Variants in NPAS3 observed in about 807,000 individuals in gnomAD.
NPAS3 encodes the protein neuronal PAS domain-containing protein 3.
A neutral mutation model predicts 73.1 loss-of-function variants in NPAS3; 14 were observed. That is an observed-to-expected ratio of 0.19 (90% CI 0.13 to 0.30). The LOEUF is 0.30. Among genes scored for constraint, NPAS3 ranks in the 10% least tolerant of loss-of-function variants. The pLI is 1.00. For synonymous variants in NPAS3, 620 were observed against 541.5 expected, an observed-to-expected ratio of 1.14 and a Z score of -2.01; for missense variants, 1,096 against 1,250.0, an observed-to-expected ratio of 0.88 and a Z score of 1.86.
chr14:33,459,149 C>A (rs917068708), intron 4 of NPAS3, among the ~76,000 whole-genome samples: 3 of 152,056 alleles, frequency 2.0e-5, no homozygotes, highest in African/African-American at 7.2e-5. Context: ...TGAGGACGAC[C>A]AGAGGTCACT....
intron 9 of NPAS3, 145 bp downstream of exon 9, chr14:33,778,717 T>C: frequency 1.6e-6 from 1 of 621,818 alleles, no homozygotes; most frequent in Non-Finnish European, 2.9e-6. Flanking sequence ...AAGTGAGACA[T>C]AAATCATTTC....
chr14:33,670,335 G>C (rs1005653789), intron 5 of NPAS3, among the ~76,000 whole-genome samples: 4 of 151,988 alleles, frequency 2.6e-5, no homozygotes, highest in Non-Finnish European at 4.4e-5. Context: ...CTTTCTTCTT[G>C]TTCTACTAAT....
intron 1 of NPAS3, among the ~76,000 whole-genome samples, chr14:32,944,604 G>A (rs2036175064): frequency 6.6e-6 from 1 of 152,128 alleles, no homozygotes; most frequent in African/African-American, 2.4e-5. Context: ...AACTGTAACT[G>A]AATGGTATTT....
chr14:32,940,877 T>A lies in NPAS3; in HGVS notation c.50+1511T>A, dbSNP rs182852773. 1.4e-4 allele frequency among the ~76,000 whole-genome samples: 22 copies of A among 152,340 alleles called. 1 individual carries two copies. The East Asian group carries it at 4.2e-3, about 29-fold the overall frequency. On this transcript the variant is annotated intron_variant, in intron 1 of 11. Transcript: ENST00000356141. ...TTTGTTAAGTAGATACATAATTGAC[T>A]AATTCTGAACTCTAGATGATTCTGT...
chr14:33,735,380 A>T (rs368336896), intron 7 of NPAS3, 48 bp downstream of exon 7: 2 of 1,309,224 alleles, frequency 1.5e-6, no homozygotes, highest in Non-Finnish European at 2.2e-6. Flanking sequence ...GGCCAGTCCT[A>T]GGTAATTTGC....
chr14:33,543,538 A>T lies in NPAS3; in HGVS notation c.469-16583A>T, dbSNP rs575382102. Among the ~76,000 whole-genome samples, 3 of 152,182 alleles carry T rather than the reference A, an allele frequency of 2.0e-5. No homozygotes were observed. In the East Asian group the frequency reaches 5.8e-4, roughly 30 times the overall value. ...GGGGCATAGAAGAATTCCTTGAGGG[A>T]AAGAGTGGCCCAGGAGTCACCCTTT... On this transcript the variant is annotated intron_variant, in intron 4 of 11. Transcript: ENST00000356141.
chr14:33,451,928 A>G (rs1022077375), intron 4 of NPAS3, among the ~76,000 whole-genome samples: 1 of 152,180 alleles, frequency 6.6e-6, no homozygotes, highest in Admixed American at 6.5e-5. Flanking sequence ...CAGGGTATGT[A>G]TGGGCTTTGA....
chr14:33,665,334 T>C (rs955808021), intron 5 of NPAS3, among the ~76,000 whole-genome samples: 1 of 152,018 alleles, frequency 6.6e-6, no homozygotes, highest in African/African-American at 2.4e-5. Flanking sequence ...TTAGGAGAAA[T>C]ACTTAATGTA....
chr14:33,545,818 T>A (rs1030372275), intron 4 of NPAS3, among the ~76,000 whole-genome samples: 11 of 152,110 alleles, frequency 7.2e-5, no homozygotes, highest in African/African-American at 2.4e-4. Context: ...TCAAGAGAGG[T>A]CACTGTATAG....
At chr14:33,163,181 C>T (rs1007765484) in intron 2 of NPAS3, among the ~76,000 whole-genome samples, 1 of 152,194 alleles carries the variant, frequency 6.6e-6, no homozygotes, top group African/African-American at 2.4e-5. Flanking sequence ...CTTCACACAG[C>T]CAATTACCTC....
intron 6 of NPAS3, among the ~76,000 whole-genome samples, chr14:33,679,192 A>G (rs2059861579): frequency 6.6e-6 from 1 of 152,202 alleles, no homozygotes; most frequent in Non-Finnish European, 1.5e-5. Context: ...CTCTTCCTTG[A>G]TGGTGAATGT....
chr14:33,227,412 G>C (rs1024283133), intron 3 of NPAS3, among the ~76,000 whole-genome samples: 10 of 152,108 alleles, frequency 6.6e-5, no homozygotes, highest in African/African-American at 2.4e-4. Flanking sequence ...TCTTGCTAGG[G>C]TGTCTTAGTT....
chr14:33,539,217 C>A (rs1053725006), intron 4 of NPAS3, among the ~76,000 whole-genome samples: 1 of 152,058 alleles, frequency 6.6e-6, no homozygotes, highest in Non-Finnish European at 1.5e-5. Context: ...TCTGCTGGGT[C>A]TACTTTTCAC....
intron 3 of NPAS3, among the ~76,000 whole-genome samples, chr14:33,358,028 A>G (rs73258865): frequency 0.047 from 7,120 of 152,254 alleles, 416 homozygotes; most frequent in East Asian, 0.22. Flanking sequence ...GACCCCTCCC[A>G]TTGAGCTCCT....
chr14:33,090,020 A>C (rs1005534988), intron 2 of NPAS3, among the ~76,000 whole-genome samples: 1 of 152,222 alleles, frequency 6.6e-6, no homozygotes, highest in African/African-American at 2.4e-5. Context: ...GAAAGGAACA[A>C]CCACTACTAA....
intron 3 of NPAS3, among the ~76,000 whole-genome samples, chr14:33,325,733 GTT>G (rs5807715): frequency 1.2e-4 from 17 of 141,498 alleles, no homozygotes; most frequent in African/African-American, 2.1e-4. Context: ...TTCTATCTGG[GTT>G]TTTTTTTTTT....
chr14:32,941,605 C>T (rs1433628965), intron 1 of NPAS3, among the ~76,000 whole-genome samples: 1 of 151,830 alleles, frequency 6.6e-6, no homozygotes. Context: ...AACTAAATAA[C>T]ACTTGGTCTG....
intron 2 of NPAS3, among the ~76,000 whole-genome samples, chr14:33,160,480 G>A (rs1336602595): frequency 3.7e-5 from 5 of 136,000 alleles, no homozygotes; most frequent in Non-Finnish European, 7.8e-5. Context: ...ATCACACACC[G>A]GGGCCTGTTG....
chr14:33,025,459 G>A (rs2039767616), intron 1 of NPAS3, among the ~76,000 whole-genome samples: 1 of 152,190 alleles, frequency 6.6e-6, no homozygotes, highest in African/African-American at 2.4e-5. Flanking sequence ...TATAGTTCAG[G>A]TGTTAACTTG....
Sources: allele counts gnomAD v4.1 joint callset (sites outside exome capture counted in the v4.1 genomes callset), GRCh38; gene constraint gnomAD v4.1.1; transcripts MANE v1.5; gene names NCBI Gene and HGNC (gene_info 2026-07-23, HGNC 2026-07-21).